The following ADGRL3 variants were observed in gnomAD, a reference collection of about 807,000 sequenced individuals.
ADGRL3 encodes calcium-independent alpha-latrotoxin receptor 3.
In ADGRL3, 62 loss-of-function variants were observed where a neutral mutation model predicts 153.5. The observed-to-expected ratio is 0.40, with a 90% confidence interval of 0.33 to 0.50. The LOEUF is 0.50. Among genes scored for constraint, ADGRL3 ranks in the 20% least tolerant of loss-of-function variants. The pLI is 0.47. For synonymous variants in ADGRL3, 710 were observed against 672.5 expected (o/e 1.06, Z -0.86); for missense variants, 1,641 against 1,859.4 (o/e 0.88, Z 2.16).
In ADGRL3 at chr4:61,576,411, C is replaced by T. The variant is rs140585900; in HGVS notation, c.260-10816C>T. On this transcript the variant is annotated intron_variant, in intron 4 of 26. Coordinates refer to ENST00000683033, the MANE Select transcript of ADGRL3 (RefSeq NM_001387552.1). ...TATTTTTTGTGCTTTGGGAAGAAAA[C>T]TGTCATTAGAATTTATGAACAAACA... 2.2e-3 allele frequency among the ~76,000 whole-genome samples: 335 copies of T among 151,590 alleles called. 1 individual carries two copies. Among genetic ancestry groups the T allele is most frequent in the African/African-American group, 7.7e-3 (317 of 41,340 alleles).
intron 1 of ADGRL3, among the ~76,000 whole-genome samples, chr4:61,255,541 A>G (rs2091881814): frequency 6.6e-6 from 1 of 152,160 alleles, no homozygotes; most frequent in South Asian, 2.1e-4. Flanking sequence ...ACTATTTTTG[A>G]TTATTTACTC....
At chr4:61,840,328 C>G (rs1037420568) in intron 9 of ADGRL3, among the ~76,000 whole-genome samples, 2 of 152,198 alleles carry the variant, frequency 1.3e-5, no homozygotes, top group Non-Finnish European at 2.9e-5. Flanking sequence ...GATTCACCTG[C>G]CTCAGCCTCC....
chr4:61,573,935 T>C (rs1255317107), intron 4 of ADGRL3, among the ~76,000 whole-genome samples: 2 of 151,968 alleles, frequency 1.3e-5, no homozygotes, highest in Non-Finnish European at 2.9e-5. Context: ...AGTGGCAGAA[T>C]AGCAATACAA....
intron 3 of ADGRL3, among the ~76,000 whole-genome samples, chr4:61,507,275 A>G (rs1038030420): frequency 5.9e-5 from 9 of 152,128 alleles, no homozygotes; most frequent in African/African-American, 2.2e-4. Context: ...ACACTACACA[A>G]TTGCTTAAAA....
chr4:61,259,267 T>C (rs575759703), intron 1 of ADGRL3, among the ~76,000 whole-genome samples: 4 of 151,576 alleles, frequency 2.6e-5, no homozygotes, highest in African/African-American at 9.7e-5. Context: ...ACTAAAAATA[T>C]AAAAAATTAG....
chr4:61,626,454 A>G (rs1195859074), intron 5 of ADGRL3, among the ~76,000 whole-genome samples: 1 of 151,898 alleles, frequency 6.6e-6, no homozygotes, highest in Non-Finnish European at 1.5e-5. Flanking sequence ...CTAATTTAAT[A>G]TCCTATTAGT....
intron 9 of ADGRL3, among the ~76,000 whole-genome samples, chr4:61,841,906 G>A (rs958999021): frequency 1.3e-5 from 2 of 152,176 alleles, no homozygotes; most frequent in Non-Finnish European, 2.9e-5. Flanking sequence ...CAGCATGGAT[G>A]GAGATAAATG....
chr4:61,272,208 CAG>C (rs2093224132), intron 1 of ADGRL3, among the ~76,000 whole-genome samples: 1 of 151,840 alleles, frequency 6.6e-6, no homozygotes, highest in Non-Finnish European at 1.5e-5. Flanking sequence ...AGTGCTTCTA[CAG>C]AGTTTACAAA....
intron 2 of ADGRL3, among the ~76,000 whole-genome samples, chr4:61,493,601 C>T (rs10016690): frequency 0.088 from 13,386 of 152,150 alleles, 640 homozygotes; most frequent in Middle Eastern, 0.14. Flanking sequence ...CTGAAAAATG[C>T]GCCACTGTAA....
In ADGRL3 at chr4:61,580,542, T is replaced by C. The variant is rs555077428; in HGVS notation, c.260-6685T>C. ...GGCTGTATTGGATAGCCAAAAACTC[T>C]GTGGCTTAAAACAATAAACATTTAT... On this transcript the variant is annotated intron_variant, in intron 4 of 26. Transcript: ENST00000683033. Among the ~76,000 whole-genome samples, 3 of 152,244 alleles carry C rather than the reference T, an allele frequency of 2.0e-5. No individual in the cohort carries two copies. The East Asian group carries it at 5.8e-4, about 29-fold the overall frequency.
intron 9 of ADGRL3, among the ~76,000 whole-genome samples, chr4:61,873,313 C>T (rs2098456366): frequency 6.6e-6 from 1 of 152,126 alleles, no homozygotes; most frequent in African/African-American, 2.4e-5. Flanking sequence ...AATCAAAAAG[C>T]ATGAAGCCTC....
At chr4:61,312,802 A>G (rs1458214312) in intron 1 of ADGRL3, among the ~76,000 whole-genome samples, 2 of 152,198 alleles carry the variant, frequency 1.3e-5, no homozygotes, top group Non-Finnish European at 2.9e-5. Context: ...TGGTACAGCC[A>G]CTTTGCAATA....
intron 2 of ADGRL3, among the ~76,000 whole-genome samples, chr4:61,438,999 C>T (rs73218551): frequency 6.6e-4 from 101 of 151,972 alleles, no homozygotes; most frequent in African/African-American, 2.2e-3. Flanking sequence ...AAGATGGGAC[C>T]TAACGATAAT....
At chr4:61,764,210 A>G (rs186510512) in intron 8 of ADGRL3, among the ~76,000 whole-genome samples, 3 of 152,330 alleles carry the variant, frequency 2.0e-5, no homozygotes, top group Admixed American at 2.0e-4. Context: ...GTATACATAT[A>G]CAAGTTTTCA....
intron 8 of ADGRL3, among the ~76,000 whole-genome samples, chr4:61,746,840 C>T (rs1164792952): frequency 5.3e-4 from 81 of 151,840 alleles, no homozygotes; most frequent in African/African-American, 1.8e-3. Context: ...TAGCAGAAGG[C>T]AAGAAATAAC....
intron 2 of ADGRL3, among the ~76,000 whole-genome samples, chr4:61,401,543 T>A (rs2096930155): frequency 6.6e-6 from 1 of 151,964 alleles, no homozygotes; most frequent in Non-Finnish European, 1.5e-5. Context: ...AATATAGAGC[T>A]TTTTGGGTAA....
chr4:61,732,279 T>C (rs554588352), intron 7 of ADGRL3, among the ~76,000 whole-genome samples: 1 of 152,244 alleles, frequency 6.6e-6, no homozygotes, highest in African/African-American at 2.4e-5. Flanking sequence ...CTTTTTCCTT[T>C]ATCAAAAAAT....
chr4:61,781,156 A>G (rs910029407), intron 8 of ADGRL3, among the ~76,000 whole-genome samples: 2 of 151,944 alleles, frequency 1.3e-5, no homozygotes, highest in Non-Finnish European at 2.9e-5. Context: ...GAGAAACCCC[A>G]TCTCTACTAA....
At chr4:61,731,316 C>A (rs181045995) in intron 7 of ADGRL3, among the ~76,000 whole-genome samples, 427 of 152,128 alleles carry the variant, frequency 2.8e-3, no homozygotes, top group African/African-American at 9.5e-3. Flanking sequence ...TGAGTTTCAT[C>A]TTAGATTGTT....
Sources: gnomAD v4.1 joint callset for allele counts (sites outside exome capture counted in the v4.1 genomes callset) on GRCh38, gnomAD v4.1.1 for gene constraint, MANE v1.5 for transcripts, NCBI Gene and HGNC (gene_info 2026-07-23, HGNC 2026-07-21) for gene names.